GRM8: variants seen among roughly 807,000 people sequenced by gnomAD.
GRM8 encodes the protein glutamate metabotropic receptor 8.
Under a neutral mutation model 87.2 loss-of-function variants are expected in GRM8, and 47 were observed. That is an observed-to-expected ratio of 0.54 (90% CI 0.43 to 0.69). The LOEUF (loss-of-function observed/expected upper bound fraction) is 0.69. Ranked by LOEUF, GRM8 falls within the 30% of genes least tolerant of loss-of-function variation. The probability of loss-of-function intolerance (pLI) is 0.00; values close to 1 mark genes in which losing one functional copy is unlikely to be tolerated. For missense variants in GRM8, 1,019 were observed against 1,139.2 expected, an observed-to-expected ratio of 0.89 and a Z score of 1.52; for synonymous variants, 396 against 404.5, an observed-to-expected ratio of 0.98 and a Z score of 0.25.
intron 2 of GRM8, chr7:127,215,162 C>T (rs1796447153): frequency 6.6e-6 from 1 of 152,194 alleles, no homozygotes; most frequent in South Asian, 2.1e-4. Flanking sequence ...TGATTCTCTT[C>T]CGATTCTGCT....
chr7:126,617,590 C>T (rs1240092757), intron 7 of GRM8, among the ~76,000 whole-genome samples: 1 of 152,054 alleles, frequency 6.6e-6, no homozygotes, highest in African/African-American at 2.4e-5. Context: ...TCAAATTGTC[C>T]CTGTTTGCAG....
At chr7:126,810,503 T>A (rs1793186755) in intron 6 of GRM8, among the ~76,000 whole-genome samples, 1 of 152,130 alleles carries the variant, frequency 6.6e-6, no homozygotes, top group African/African-American at 2.4e-5. Context: ...TGTCAATGCT[T>A]CTGCTGAATT....
chr7:127,127,999 C>T (rs1827467408), intron 2 of GRM8, among the ~76,000 whole-genome samples: 1 of 152,078 alleles, frequency 6.6e-6, no homozygotes. Context: ...TCCACTGGCA[C>T]CTTTAGGCCT....
chr7:126,778,412 C>T (rs10240031), intron 6 of GRM8, among the ~76,000 whole-genome samples: 1,863 of 152,128 alleles, frequency 0.012, 40 homozygotes, highest in African/African-American at 0.042. Flanking sequence ...CCTAGAGTTT[C>T]GAAAACACTG....
intron 7 of GRM8, among the ~76,000 whole-genome samples, chr7:126,760,465 A>C (rs1817477472): frequency 6.6e-6 from 1 of 152,210 alleles, no homozygotes; most frequent in Admixed American, 6.5e-5. Flanking sequence ...TCACTCGGTT[A>C]GAAAACAGAG....
chr7:127,232,903 T>C (rs937561428), intron 2 of GRM8, among the ~76,000 whole-genome samples: 5 of 152,174 alleles, frequency 3.3e-5, no homozygotes, highest in African/African-American at 1.2e-4. Flanking sequence ...AGTGGCGCGA[T>C]CTTGGCTCAC....
At chr7:126,827,303 G>T (rs572956472) in intron 6 of GRM8, among the ~76,000 whole-genome samples, 1 of 152,226 alleles carries the variant, frequency 6.6e-6, no homozygotes, top group East Asian at 1.9e-4. Context: ...AAATTACCTT[G>T]GGCAGTATGG....
At chr7:126,934,962 G>A (rs539303619) in intron 3 of GRM8, among the ~76,000 whole-genome samples, 12 of 152,246 alleles carry the variant, frequency 7.9e-5, no homozygotes, top group South Asian at 2.1e-4. Flanking sequence ...TAGATCATTC[G>A]TTTATTTAAC....
In GRM8 at chr7:126,528,614, TTGTGTGTG is replaced by T. The variant is rs59437677; in HGVS notation, c.2430+4330_2430+4337del. 1.5e-3 allele frequency among the ~76,000 whole-genome samples: 226 copies of T among 149,064 alleles called. 1 individual carries two copies. Among genetic ancestry groups the T allele is most frequent in the South Asian group, 6.0e-3 (28 of 4,656 alleles). On this transcript the variant is annotated intron_variant, in intron 9 of 10. Transcript: ENST00000339582. Reference sequence around the variant, plus strand: ...ACACACCATACAGAGACAAAAGAAGTTGTGTGTGTGTGTGTGTGTGTGTGTGTGTGTGT... The same window carrying T: ...ACACACCATACAGAGACAAAAGAAGTTGTGTGTGTGTGTGTGTGTGTGTGT...
At chr7:126,784,487 GA>G (rs1820419982) in intron 6 of GRM8, among the ~76,000 whole-genome samples, 1 of 152,126 alleles carries the variant, frequency 6.6e-6, no homozygotes, top group African/African-American at 2.4e-5. Flanking sequence ...TTTTCTCAGT[GA>G]TTTATTTTTG....
intron 3 of GRM8, among the ~76,000 whole-genome samples, chr7:127,104,576 C>G (rs1825639652): frequency 6.6e-6 from 1 of 152,180 alleles, no homozygotes. Flanking sequence ...TATTAATTAA[C>G]AATCCATCCC....
chr7:127,151,419 A>G (rs1715802298), intron 2 of GRM8, among the ~76,000 whole-genome samples: 1 of 152,046 alleles, frequency 6.6e-6, no homozygotes, highest in Admixed American at 6.6e-5. Context: ...TTCTTATCTA[A>G]GGACCTCTTA....
At chr7:127,233,213 T>C (rs1797797285) in intron 2 of GRM8, among the ~76,000 whole-genome samples, 1 of 152,094 alleles carries the variant, frequency 6.6e-6, no homozygotes, top group African/African-American at 2.4e-5. Context: ...AAGCATTAGG[T>C]CAAAGTTTGA....
At chr7:126,921,891 A>G (rs953528562) in intron 3 of GRM8, among the ~76,000 whole-genome samples, 1 of 152,158 alleles carries the variant, frequency 6.6e-6, no homozygotes, top group Non-Finnish European at 1.5e-5. Context: ...GAATCCAAGT[A>G]GCAGGGAATT....
intron 2 of GRM8, among the ~76,000 whole-genome samples, chr7:127,240,693 A>G (rs1356793088): frequency 6.6e-6 from 1 of 152,186 alleles, no homozygotes; most frequent in East Asian, 1.9e-4. Flanking sequence ...AAAATAGAAA[A>G]GAGATGCCTT....
In GRM8 at chr7:126,538,259, A is replaced by G. The variant is rs914374016; in HGVS notation, c.1495-4372T>C. 4.6e-5 allele frequency among the ~76,000 whole-genome samples: 7 copies of G among 152,220 alleles called. No homozygotes were observed. In the East Asian group the frequency reaches 1.3e-3, roughly 29 times the overall value. On this transcript the variant is annotated intron_variant, in intron 8 of 10. Coordinates refer to ENST00000339582, the MANE Select transcript of GRM8 (RefSeq NM_000845.3). Reference sequence around the variant, plus strand: ...GTGTGCTTACATTTTTAAATTTTCAATCTTTTCAGAAAAGTCAACTAGGAG... The same window carrying G: ...GTGTGCTTACATTTTTAAATTTTCAGTCTTTTCAGAAAAGTCAACTAGGAG...
intron 2 of GRM8, among the ~76,000 whole-genome samples, chr7:127,206,609 G>A (rs543502328): frequency 9.9e-5 from 15 of 151,960 alleles, no homozygotes; most frequent in South Asian, 2.1e-4. Flanking sequence ...GTGTGCCTCC[G>A]TAACACAAAA....
intron 7 of GRM8, among the ~76,000 whole-genome samples, chr7:126,661,861 T>C (rs935268819): frequency 2.6e-5 from 4 of 151,290 alleles, no homozygotes; most frequent in African/African-American, 9.7e-5. Context: ...CAAATCAATA[T>C]GCCACTTTAA....
At chr7:126,621,122 A>G (rs1174602549) in intron 7 of GRM8, among the ~76,000 whole-genome samples, 5 of 152,168 alleles carry the variant, frequency 3.3e-5, no homozygotes, top group Non-Finnish European at 5.9e-5. Context: ...CAGTGTCTCA[A>G]TTATTCATGC....
Sources: gnomAD v4.1 joint callset for allele counts (sites outside exome capture counted in the v4.1 genomes callset) on GRCh38, gnomAD v4.1.1 for gene constraint, MANE v1.5 for transcripts, NCBI Gene and HGNC (gene_info 2026-07-23, HGNC 2026-07-21) for gene names.